TUBGCP5: variants seen among roughly 807,000 people sequenced by gnomAD.
The protein encoded by TUBGCP5 is tubulin gamma complex component 5.
TUBGCP5 carries 98 observed loss-of-function variants against 134.7 expected under a neutral mutation model. The observed-to-expected ratio is 0.73, with a 90% CI of 0.62 to 0.86. The LOEUF is 0.86. TUBGCP5 is among the 40% of genes least tolerant of loss of function. The pLI, the probability that TUBGCP5 is intolerant of heterozygous loss-of-function variation, is 0.00. For missense variants in TUBGCP5, 1,150 were observed against 1,244.8 expected (o/e 0.92, Z 1.15); for synonymous variants, 456 against 431.4 (o/e 1.06, Z -0.71).
chr15:23,021,776 G>A (rs887177742), intron 11 of TUBGCP5, among the ~76,000 whole-genome samples, 183 bp downstream of exon 11: 2 of 152,146 alleles, frequency 1.3e-5, no homozygotes, highest in African/African-American at 2.4e-5. Flanking sequence ...TCCTTCTGAG[G>A]ATCTTGGCAA....
In TUBGCP5 at chr15:23,013,603, C is replaced by T. The variant is rs1332646293; in HGVS notation, c.1757-2272G>A. ...GCTGGTCTGGAGTCAAGAAGGACTT[C>T]CCATTGTAGGGTAAGGGTAAGCAGA... On this transcript the variant is annotated intron_variant, in intron 13 of 22. Coordinates refer to ENST00000615383, the MANE Select transcript of TUBGCP5 (RefSeq NM_052903.6). The surrounding 1 kb of genome is among the most constrained non-coding windows in gnomAD (Gnocchi z 4.5). 6.6e-6 allele frequency among the ~76,000 whole-genome samples: 1 copy of T among 152,146 alleles called. No homozygotes were observed. Among genetic ancestry groups the T allele is most frequent in the Non-Finnish European group, 1.5e-5 (1 of 68,030 alleles).
chr15:22,987,347 A>G lies in TUBGCP5; in HGVS notation c.*62-3736T>C, dbSNP rs1400164475. Among the ~76,000 whole-genome samples the G allele has an allele frequency of 1.3e-4, 19 of 151,990 alleles. No homozygotes were observed. In the South Asian group the frequency reaches 1.5e-3, roughly 12 times the overall value. On this transcript the variant is annotated intron_variant and NMD_transcript_variant, in intron 23 of 23. Coordinates refer to the TUBGCP5 transcript ENST00000614508. ...GCAAAACTCCATCTCAAAAAAAAAA[A>G]AAAAGAAAAGAAAGTTACTGTCCTG...
intron 1 of TUBGCP5, among the ~76,000 whole-genome samples, chr15:23,038,577 T>C (rs1011884771): frequency 6.6e-6 from 1 of 152,204 alleles, no homozygotes; most frequent in Admixed American, 6.5e-5. Flanking sequence ...AGACACTTTA[T>C]GGCTATGATC....
rs796699544 is a variant in TUBGCP5 at position 22,999,923 on chromosome 15, T to G, written c.3029-57A>C. 18 of 1,578,966 alleles carry G rather than the reference T, an allele frequency of 1.1e-5. No individual in the cohort carries two copies. In the African/African-American group the frequency reaches 1.5e-4, roughly 13 times the overall value. ...ATAGGTTTAAATGTTGAAAAAAAAT[T>G]TTTTTTGAAGACGGAGTCCCACTGT... On this transcript the variant is annotated intron_variant, in intron 22 of 22. Transcript: ENST00000615383.
At chr15:23,003,005 A>T in intron 21 of TUBGCP5, 60 bp downstream of exon 21, 1 of 1,566,212 alleles carries the variant, frequency 6.4e-7, no homozygotes, top group East Asian at 2.2e-5. Context: ...GTCTCTAAAA[A>T]AAAGGGAAGC....
chr15:23,039,478 G>A lies in TUBGCP5; in HGVS notation c.66C>T (p.Leu22=), dbSNP rs780813991. ...DAQQERDVRE[L]VRGVAGLQDE... is the part of the protein sequence containing the mutation. ...CCTGGAGGCCGGCGACACCCCGGAC[G>A]AGCTCCCGCACGTCGCGCTCCTGCT... The change falls in exon 1 of 23, where the codon CTC becomes CTT. Residue 22 remains leucine (L), a synonymous_variant. Transcript: ENST00000615383. The A allele has an allele frequency of 2.5e-5, 39 of 1,531,530 alleles. No individual in the cohort carries two copies. The highest frequency in any genetic ancestry group is 2.6e-5 in the East Asian group (1 of 37,958). The allele number at this position is 1,531,530 out of a possible 1,614,324, so 94.9% of individuals were successfully genotyped here.
At chr15:23,007,338 C>T (rs1162207536) in intron 16 of TUBGCP5, among the ~76,000 whole-genome samples, 3 of 152,176 alleles carry the variant, frequency 2.0e-5, no homozygotes, top group Non-Finnish European at 2.9e-5. Flanking sequence ...TGCAGTGAGT[C>T]GAGATTGTGC....
chr15:23,011,165 A>T lies in TUBGCP5; in HGVS notation c.1923T>A (p.Val641=). The part of the protein sequence containing the change: ...IAESHLELDD[V]HDPLLAINFA... ...AGTTAATGGCAAGCAGTGGATCATG[A>T]ACATCATCCAGTTCAAGATGGCTTT... Residue 641 remains valine (V), a synonymous_variant, in exon 14 of 23, where the codon GTT becomes GTA. Transcript: ENST00000615383. 6.2e-7 allele frequency: 1 copy of T among 1,614,066 alleles called. No individual in the cohort carries two copies. The highest frequency in any genetic ancestry group is 8.5e-7 in the Non-Finnish European group (1 of 1,180,010).
downstream of TUBGCP5, among the ~76,000 whole-genome samples, chr15:22,994,796 A>G (rs768700679): frequency 6.6e-6 from 1 of 152,202 alleles, no homozygotes; most frequent in Non-Finnish European, 1.5e-5. Context: ...TTAACAGTGT[A>G]AAAGACTGAA....
At chr15:23,009,692 T>G (rs1160631124) in intron 15 of TUBGCP5, among the ~76,000 whole-genome samples, 1 of 152,222 alleles carries the variant, frequency 6.6e-6, no homozygotes, top group East Asian at 1.9e-4. Flanking sequence ...TTTTTCATTC[T>G]GATAACAAAC....
chr15:23,012,364 T>C (rs1048901193), intron 13 of TUBGCP5, among the ~76,000 whole-genome samples: 4 of 152,240 alleles, frequency 2.6e-5, no homozygotes, highest in African/African-American at 9.6e-5. Flanking sequence ...TTGAGATGTA[T>C]AAATAAGGTC....
Position 23,013,531 on chromosome 15 carries a change from A to G in TUBGCP5, c.1757-2200T>C, listed in dbSNP as rs1345100956. 6.6e-6 allele frequency among the ~76,000 whole-genome samples: 1 copy of G among 152,174 alleles called. No homozygotes were observed. The highest frequency in any genetic ancestry group is 2.4e-5 in the African/African-American group (1 of 41,440). ...ACACAGTGTTGGTGACTGGAGGCCC[A>G]GGAGGGCAGTGTGGAGGCTTCCAGC... is the stretch of plus-strand genomic sequence containing the variant. On this transcript the variant is annotated intron_variant, in intron 13 of 22. Coordinates refer to ENST00000615383, the MANE Select transcript of TUBGCP5 (RefSeq NM_052903.6). This position sits in a 1 kb window ranked among gnomAD's most constrained non-coding sequence, Gnocchi z 4.5.
chr15:23,004,645 A>G (rs968612919), intron 19 of TUBGCP5: 1 of 159,044 alleles, frequency 6.3e-6, no homozygotes, highest in East Asian at 1.9e-4. Flanking sequence ...TAAAATGAGT[A>G]TAAGTATACC....
chr15:23,005,158 A>G (rs1313274668), intron 19 of TUBGCP5, among the ~76,000 whole-genome samples: 1 of 152,150 alleles, frequency 6.6e-6, no homozygotes, highest in African/African-American at 2.4e-5. Flanking sequence ...ACTATGCGGC[A>G]CATTCTGAAG....
intron 22 of TUBGCP5, 67 bp downstream of exon 22, chr15:23,000,502 A>G: frequency 6.4e-7 from 1 of 1,568,336 alleles, no homozygotes. Flanking sequence ...CAGTAACAAA[A>G]CAATGACACA....
intron 3 of TUBGCP5, 120 bp downstream of exon 3, chr15:23,036,777 T>TC (rs1335305141): frequency 2.8e-6 from 2 of 720,162 alleles, no homozygotes; most frequent in East Asian, 5.2e-5. Context: ...TTCCAAGAGA[T>TC]CCCGTTAGCC....
rs1390758099 is a variant in TUBGCP5, at chr15:23,022,087, C to G, written c.1243G>C (p.Val415Leu). ...RLSQLKVLHKVFSTGVAEVPP... is the reference protein window; with the variant it reads ...RLSQLKVLHKLFSTGVAEVPP... Reference sequence around the variant, plus strand: ...ACTTCTGCTACTCCAGTACTAAACACTTTGTGCAGAACCTTGAGCTGAGAC... The same window carrying G: ...ACTTCTGCTACTCCAGTACTAAACAGTTTGTGCAGAACCTTGAGCTGAGAC... Residue 415 changes from valine to leucine, a missense_variant, in exon 11 of 23, where the codon GTG (valine) becomes CTG (leucine). Val to Leu is a conservative substitution (Grantham distance 32). Coordinates refer to ENST00000615383, the MANE Select transcript of TUBGCP5 (RefSeq NM_052903.6). 1 of 1,614,112 alleles carries G rather than the reference C, an allele frequency of 6.2e-7. No individual in the cohort carries two copies. Among genetic ancestry groups the G allele is most frequent in the African/African-American group, 1.3e-5 (1 of 74,928 alleles).
Position 23,006,039 on chromosome 15 carries a change from A to G in TUBGCP5, c.2533+13T>C, listed in dbSNP as rs200287364. On this transcript the variant is annotated intron_variant, in intron 18 of 22. Transcript: ENST00000615383. Reference sequence around the variant, plus strand: ...AATAAAATTACAATTTATCTGCTGAAAACAAATCTTACCACCAAAAAGTAA... The same window carrying G: ...AATAAAATTACAATTTATCTGCTGAGAACAAATCTTACCACCAAAAAGTAA... 6.9e-6 allele frequency: 11 copies of G among 1,587,504 alleles called. No homozygotes were observed. The highest frequency in any genetic ancestry group is 3.6e-4 in the Middle Eastern group (2 of 5,602).
At chr15:23,015,288 G>A (rs993995415) in intron 13 of TUBGCP5, among the ~76,000 whole-genome samples, 2 of 151,676 alleles carry the variant, frequency 1.3e-5, no homozygotes, top group African/African-American at 2.4e-5. Flanking sequence ...GTTTCACCAT[G>A]TTGGCCAGGC....
Sources: allele counts gnomAD v4.1 joint callset (sites outside exome capture counted in the v4.1 genomes callset), GRCh38; gene constraint gnomAD v4.1.1; non-coding constraint Gnocchi (gnomAD v3.1); transcripts MANE v1.5; gene names NCBI Gene and HGNC (gene_info 2026-07-23, HGNC 2026-07-21).